PKN2: variants seen among roughly 807,000 people sequenced by gnomAD.
PKN2 encodes protein kinase N2.
In PKN2, 38 loss-of-function variants were observed where a neutral mutation model predicts 119.1. The observed-to-expected ratio is 0.32, with a 90% CI of 0.25 to 0.42. PKN2 has a LOEUF of 0.42. Ranked by LOEUF, PKN2 falls within the 10% of genes least tolerant of loss-of-function variation. The pLI is 1.00. For missense variants in PKN2, 850 were observed against 1,165.1 expected (o/e 0.73, Z 3.94); for synonymous variants, 390 against 384.9 (o/e 1.01, Z -0.15).
At chr1:88,775,462 T>TAATA (rs904388280) in intron 6 of PKN2, among the ~76,000 whole-genome samples, 2 of 152,250 alleles carry the variant, frequency 1.3e-5, no homozygotes, top group Non-Finnish European at 2.9e-5. Context: ...TTGTGCTGAA[T>TAATA]AATACTCTAT....
chr1:88,711,546 T>G (rs1357808168), intron 1 of PKN2, among the ~76,000 whole-genome samples: 2 of 152,156 alleles, frequency 1.3e-5, no homozygotes, highest in Non-Finnish European at 2.9e-5. Flanking sequence ...GAAATAAGAT[T>G]GGGATGAAAA....
At chr1:88,762,998 A>G (rs1389783829) in intron 3 of PKN2, among the ~76,000 whole-genome samples, 2 of 152,154 alleles carry the variant, frequency 1.3e-5, no homozygotes, top group Non-Finnish European at 2.9e-5. Flanking sequence ...TGATAGTAAG[A>G]GTTGTCAACT....
At chr1:88,787,723 C>T (rs1001556740) in intron 8 of PKN2, among the ~76,000 whole-genome samples, 3 of 152,190 alleles carry the variant, frequency 2.0e-5, no homozygotes, top group Admixed American at 6.5e-5. Flanking sequence ...TGTTTTTCGC[C>T]TCAATGGCAT....
At chr1:88,804,580 A>G in intron 9 of PKN2, 46 bp downstream of exon 9, 2 of 1,528,238 alleles carry the variant, frequency 1.3e-6, no homozygotes. Flanking sequence ...AATTGAAATT[A>G]CATATGTAGG....
intron 2 of PKN2, among the ~76,000 whole-genome samples, chr1:88,742,919 A>C (rs1361072587): frequency 6.6e-6 from 1 of 152,088 alleles, no homozygotes; most frequent in Non-Finnish European, 1.5e-5. Flanking sequence ...GGCTGGGTGC[A>C]GTGGCTCGTG....
At chr1:88,781,907 A>G (rs1021930099) in intron 6 of PKN2, among the ~76,000 whole-genome samples, 4 of 152,148 alleles carry the variant, frequency 2.6e-5, no homozygotes, top group African/African-American at 4.8e-5. Flanking sequence ...ATCACTGTAC[A>G]GTAAGATAAG....
chr1:88,776,734 T>C (rs58249812), intron 6 of PKN2, among the ~76,000 whole-genome samples: 11,122 of 151,282 alleles, frequency 0.074, 887 homozygotes, highest in African/African-American at 0.2. Flanking sequence ...AGTAAGACTC[T>C]GTCTTAAGAA....
intron 1 of PKN2, among the ~76,000 whole-genome samples, chr1:88,714,083 G>A (rs964773610): frequency 7.9e-5 from 12 of 152,170 alleles, no homozygotes; most frequent in African/African-American, 2.7e-4. Context: ...TCAAAGATCA[G>A]ATGGTTGTAG....
intron 1 of PKN2, among the ~76,000 whole-genome samples, chr1:88,703,209 T>A (rs1666844588): frequency 6.6e-6 from 1 of 152,186 alleles, no homozygotes; most frequent in Non-Finnish European, 1.5e-5. Context: ...AAAGTTTTTT[T>A]TTAATGTATA....
At chr1:88,826,539 A>G (rs929245320) in intron 18 of PKN2, among the ~76,000 whole-genome samples, 6 of 152,262 alleles carry the variant, frequency 3.9e-5, no homozygotes, top group African/African-American at 9.6e-5. Flanking sequence ...CCCAAATAAC[A>G]TACATTGTAC....
intron 8 of PKN2, among the ~76,000 whole-genome samples, chr1:88,797,170 C>T (rs1557618097): frequency 6.6e-6 from 1 of 151,732 alleles, no homozygotes; most frequent in East Asian, 1.9e-4. Context: ...CCCATCTCTA[C>T]TAAAAATCCA....
chr1:88,723,115 C>CT (rs569844881), intron 1 of PKN2, among the ~76,000 whole-genome samples: 45 of 147,496 alleles, frequency 3.1e-4, no homozygotes, highest in Admixed American at 4.8e-4. Flanking sequence ...AGCCAGGTAT[C>CT]TTTTTTTTTT....
rs770232224 is a variant in PKN2 at position 88,807,619 on chromosome 1, A to AT, written c.2010+21dup. The AT allele has an allele frequency of 2.9e-5, 47 of 1,595,068 alleles. No homozygotes were observed. The highest frequency in any genetic ancestry group is 5.4e-5 in the African/African-American group (4 of 74,242). Reference sequence around the variant, plus strand: ...ATTTTGGAAAGGTAATCTTTTTGGAATTTTTTGGAATATCTACAACATTAA... The same window carrying AT: ...ATTTTGGAAAGGTAATCTTTTTGGAATTTTTTTGGAATATCTACAACATTAA... On this transcript the variant is annotated intron_variant, in intron 14 of 21. Transcript: ENST00000370521.
At chr1:88,774,674 C>G (rs560422850) in intron 6 of PKN2, among the ~76,000 whole-genome samples, 9 of 151,250 alleles carry the variant, frequency 6.0e-5, no homozygotes, top group Non-Finnish European at 1.2e-4. Flanking sequence ...CTAGTACTAC[C>G]TTCTTTTGGT....
At chr1:88,716,682 G>A (rs1042349823) in intron 1 of PKN2, among the ~76,000 whole-genome samples, 2 of 151,880 alleles carry the variant, frequency 1.3e-5, no homozygotes, top group African/African-American at 4.8e-5. Context: ...TTGAGCCTAT[G>A]TGTGTCTCTG....
chr1:88,780,750 C>T (rs1670303760), intron 6 of PKN2, among the ~76,000 whole-genome samples: 1 of 152,144 alleles, frequency 6.6e-6, no homozygotes, highest in South Asian at 2.1e-4. Context: ...GTTTCACCAC[C>T]TTTTGGCTCA....
chr1:88,719,004 A>G (rs1157466434), intron 1 of PKN2, among the ~76,000 whole-genome samples: 1 of 152,172 alleles, frequency 6.6e-6, no homozygotes, highest in Non-Finnish European at 1.5e-5. Context: ...CCCACCTACT[A>G]TGCTAAATGT....
chr1:88,706,275 C>A (rs1303357771), intron 1 of PKN2, among the ~76,000 whole-genome samples: 1 of 151,996 alleles, frequency 6.6e-6, no homozygotes, highest in Non-Finnish European at 1.5e-5. Context: ...TTAAAAATTT[C>A]TTTTTCTGAT....
chr1:88,788,603 G>A (rs993464520), intron 8 of PKN2, among the ~76,000 whole-genome samples: 51 of 151,982 alleles, frequency 3.4e-4, no homozygotes, highest in African/African-American at 9.9e-4. Flanking sequence ...GTACCACCAC[G>A]CCTGTCTAAT....
Sources: gnomAD v4.1 joint callset for allele counts (sites outside exome capture counted in the v4.1 genomes callset) on GRCh38, gnomAD v4.1.1 for gene constraint, MANE v1.5 for transcripts, NCBI Gene and HGNC (gene_info 2026-07-23, HGNC 2026-07-21) for gene names.